MAGI2: variants seen among roughly 807,000 people sequenced by gnomAD.
MAGI2 encodes the protein membrane-associated guanylate kinase, WW and PDZ domain-containing protein 2.
A neutral mutation model predicts 133.3 loss-of-function variants in MAGI2; 35 were observed. That is an observed-to-expected ratio of 0.26 (90% CI 0.20 to 0.35). The LOEUF (loss-of-function observed/expected upper bound fraction) is 0.35, where lower values mean the gene tolerates loss of function less well. Among genes scored for constraint, MAGI2 ranks in the 10% least tolerant of loss-of-function variants. The pLI, the probability that MAGI2 is intolerant of heterozygous loss-of-function variation, is 1.00. For missense variants in MAGI2, 1,636 were observed against 1,863.4 expected (o/e 0.88, Z 2.25); for synonymous variants, 729 against 710.6 (o/e 1.03, Z -0.41).
chr7:78,433,253 G>T (rs1799966574), intron 6 of MAGI2, among the ~76,000 whole-genome samples: 1 of 151,890 alleles, frequency 6.6e-6, no homozygotes, highest in African/African-American at 2.4e-5. Flanking sequence ...AGTTTTAATG[G>T]ATACATTTAG....
At chr7:78,547,615 C>A (rs1798961693) in intron 3 of MAGI2, among the ~76,000 whole-genome samples, 1 of 152,200 alleles carries the variant, frequency 6.6e-6, no homozygotes, top group African/African-American at 2.4e-5. Flanking sequence ...AAAGGAGGAA[C>A]CACCTTGGAC....
intron 2 of MAGI2, among the ~76,000 whole-genome samples, chr7:78,753,898 T>C (rs933546366): frequency 1.3e-5 from 2 of 152,126 alleles, no homozygotes; most frequent in African/African-American, 2.4e-5. Context: ...GAAAAAACTC[T>C]ATACTGAGAA....
chr7:78,753,444 A>G (rs1456248134), intron 2 of MAGI2, among the ~76,000 whole-genome samples: 1 of 152,192 alleles, frequency 6.6e-6, no homozygotes, highest in Non-Finnish European at 1.5e-5. Context: ...AGAAATAAAC[A>G]GCACCTCTGT....
At chr7:78,177,937 C>T in intron 14 of MAGI2, 74 bp downstream of exon 14, 1 of 1,071,734 alleles carries the variant, frequency 9.3e-7, no homozygotes, top group Non-Finnish European at 1.4e-6. Context: ...AGATATCACA[C>T]TAAACACTAT....
Sources: gnomAD v4.1 joint callset for allele counts (sites outside exome capture counted in the v4.1 genomes callset) on GRCh38, gnomAD v4.1.1 for gene constraint, MANE v1.5 for transcripts, NCBI Gene and HGNC (gene_info 2026-07-23, HGNC 2026-07-21) for gene names.